Variants in DZIP1 observed in about 807,000 individuals in gnomAD.
DZIP1 encodes the protein cilium assembly protein DZIP1.
DZIP1 carries 97 observed loss-of-function variants against 107.6 expected under a neutral mutation model. The ratio of observed to expected loss-of-function variants is 0.90; its 90% CI spans 0.77 to 1.07. The LOEUF (loss-of-function observed/expected upper bound fraction) is 1.07, where lower values mean the gene tolerates loss of function less well. DZIP1 is among the 50% of genes least tolerant of loss of function. DZIP1 has a pLI of 0.00. For missense variants in DZIP1, 1,035 were observed against 1,063.6 expected, an observed-to-expected ratio of 0.97 and a Z score of 0.37; for synonymous variants, 390 against 386.4, an observed-to-expected ratio of 1.01 and a Z score of -0.11.
chr13:95,604,475 G>C (rs1048574276), intron 14 of DZIP1, among the ~76,000 whole-genome samples: 1 of 152,188 alleles, frequency 6.6e-6, no homozygotes, highest in Non-Finnish European at 1.5e-5. Context: ...CCCTGTGCCA[G>C]GTCTGGCTGG....
chr13:95,640,455 A>G (rs985604952), intron 5 of DZIP1, among the ~76,000 whole-genome samples: 3 of 152,224 alleles, frequency 2.0e-5, no homozygotes, highest in African/African-American at 7.2e-5. Context: ...AGCCATAGTC[A>G]GCCGAAAGGA....
chr13:95,604,654 G>T (rs2044719917), intron 14 of DZIP1, among the ~76,000 whole-genome samples: 1 of 152,170 alleles, frequency 6.6e-6, no homozygotes, highest in South Asian at 2.1e-4. Context: ...ACCTACCAGG[G>T]TGTCCTTTAG....
Position 95,635,454 on chromosome 13 carries a change from C to CT in DZIP1, c.598-2134_598-2133insA, listed in dbSNP as rs1877688740. Among the ~76,000 whole-genome samples, 4 of 152,230 alleles carry CT rather than the reference C, an allele frequency of 2.6e-5. No homozygotes were observed. The South Asian group carries it at 8.3e-4, about 32-fold the overall frequency. ...TCAAATGATCCACCCACCTTGGCCTCCCAAAGTGCTGGAATTACAGGTGTA... is the reference window on the plus strand; with the variant it reads ...TCAAATGATCCACCCACCTTGGCCTCTCCAAAGTGCTGGAATTACAGGTGTA... On this transcript the variant is annotated intron_variant, in intron 5 of 22. Transcript: ENST00000376829.
intron 13 of DZIP1, among the ~76,000 whole-genome samples, chr13:95,608,643 C>T (rs1382182867): frequency 2.0e-5 from 3 of 152,170 alleles, no homozygotes; most frequent in Non-Finnish European, 4.4e-5. Flanking sequence ...TTAAACTCCT[C>T]TCCTCTCCTT....
At chr13:95,643,935 C>T (rs930225578) in intron 1 of DZIP1, among the ~76,000 whole-genome samples, 1 of 152,202 alleles carries the variant, frequency 6.6e-6, no homozygotes, top group Non-Finnish European at 1.5e-5. Context: ...GGCGCAGAGG[C>T]CTGCGGGCCC....
chr13:95,615,816 C>CT (rs1874984490), intron 10 of DZIP1, among the ~76,000 whole-genome samples: 2 of 152,220 alleles, frequency 1.3e-5, no homozygotes, highest in African/African-American at 4.8e-5. Context: ...CAGCATCTGT[C>CT]TAAGCCCCTG....
In DZIP1 at chr13:95,612,036, C is replaced by T; in HGVS notation, c.1314+1G>A. ...CGGTGCCACACTGCCGCCAGACATACCTGCTGTCTCTGAGTTATAATCAGC... is the reference window on the plus strand; with the variant it reads ...CGGTGCCACACTGCCGCCAGACATATCTGCTGTCTCTGAGTTATAATCAGC... On this transcript the variant is annotated splice_donor_variant, in intron 11 of 22. Transcript: ENST00000376829. LOFTEE classifies it high-confidence loss of function. The T allele has an allele frequency of 6.2e-7, 1 of 1,613,202 alleles. No individual in the cohort carries two copies. The highest frequency in any genetic ancestry group is 1.1e-5 in the South Asian group (1 of 90,918).
chr13:95,587,174 G>T (rs1370490596), intron 20 of DZIP1, among the ~76,000 whole-genome samples: 1 of 152,148 alleles, frequency 6.6e-6, no homozygotes, highest in African/African-American at 2.4e-5. Context: ...ACAAGTCAAG[G>T]ACAGAGGCGC....
chr13:95,590,770 A>G (rs2044290261), intron 16 of DZIP1, among the ~76,000 whole-genome samples: 1 of 152,228 alleles, frequency 6.6e-6, no homozygotes, highest in South Asian at 2.1e-4. Flanking sequence ...GGGGAGGCTG[A>G]GCTGTGGCCT....
chr13:95,597,338 A>G (rs1196321586), intron 15 of DZIP1, among the ~76,000 whole-genome samples: 1 of 152,110 alleles, frequency 6.6e-6, no homozygotes, highest in Non-Finnish European at 1.5e-5. Context: ...ACCTCCTGAC[A>G]TGTCTCACAG....
At chr13:95,592,215 T>C (rs548904796) in intron 16 of DZIP1, among the ~76,000 whole-genome samples, 2 of 151,686 alleles carry the variant, frequency 1.3e-5, no homozygotes, top group Admixed American at 1.3e-4. Flanking sequence ...AAAAACAAAA[T>C]AAGCAAAACA....
At chr13:95,603,306 C>CAAAAAAAAAAAAAA (rs34995131) in intron 14 of DZIP1, among the ~76,000 whole-genome samples, 10 of 47,964 alleles carry the variant, frequency 2.1e-4, no homozygotes, top group African/African-American at 6.7e-4. Flanking sequence ...TGCCCAGTCT[C>CAAAAAAAAAAAAAA]AAAAAAAAAA....
rs2274292 is a variant in DZIP1 at position 95,643,067 on chromosome 13, A to G, written c.-237T>C. On this transcript the variant is annotated 5_prime_UTR_variant, in exon 3 of 23. An upstream start codon of the reference 5' UTR is lost. Transcript: ENST00000376829. ...CCTTACAAACTTGGGTCGGGGCTGC[A>G]TTCTGGGCTTTGGAGAGGCTAAAAT... is the stretch of plus-strand genomic sequence containing the variant. 15,490 of 152,170 alleles carry G rather than the reference A, an allele frequency of 0.1. 979 individuals are homozygous for G. The highest frequency in any genetic ancestry group is 0.19 in the Middle Eastern group (57 of 294). The allele number at this position is 152,170 out of a possible 1,614,324, so 9.4% of individuals were successfully genotyped here.
rs747923671 is a variant in DZIP1 at position 95,586,079 on chromosome 13, T to C, written c.2276A>G (p.Asn759Ser). ...KVEKMFPHRK[N>S]VNKPVGGTNV... Reference sequence around the variant, plus strand: ...AGTTCCACCGACTGGTTTGTTCACATTTTTGCGATGTGGAAACATCTTTTC... The same window carrying C: ...AGTTCCACCGACTGGTTTGTTCACACTTTTGCGATGTGGAAACATCTTTTC... The change falls in exon 21 of 23, where the codon AAT becomes AGT. Residue 759 changes from asparagine to serine, a missense_variant. Asn to Ser is a conservative substitution (Grantham distance 46). Coordinates refer to ENST00000376829, the MANE Select transcript of DZIP1 (RefSeq NM_198968.4). The C allele has an allele frequency of 6.2e-7, 1 of 1,612,126 alleles. No individual in the cohort carries two copies. The highest frequency in any genetic ancestry group is 8.5e-7 in the Non-Finnish European group (1 of 1,179,350).
chr13:95,589,655 T>C, intron 18 of DZIP1, 148 bp downstream of exon 18: 1 of 1,055,188 alleles, frequency 9.5e-7, no homozygotes, highest in Admixed American at 2.6e-5. Flanking sequence ...GGAACCTGAC[T>C]ATACTGGCAT....
intron 10 of DZIP1, among the ~76,000 whole-genome samples, chr13:95,612,584 TTTG>T (rs778863896): frequency 2.0e-5 from 3 of 152,032 alleles, no homozygotes; most frequent in Non-Finnish European, 2.9e-5. Flanking sequence ...TCTTAATGTT[TTTG>T]TTGTTGTTTT....
chr13:95,633,325 A>C lies in DZIP1; in HGVS notation c.598-4T>G. On this transcript the variant is annotated splice_polypyrimidine_tract_variant and splice_region_variant and intron_variant, in intron 5 of 22. Coordinates refer to ENST00000376829, the MANE Select transcript of DZIP1 (RefSeq NM_198968.4). ...AGGCCTTGTCACAAAAATGGCACTG[A>C]AAAGGAGAGAGCAACAAATCCAAGT... 6.2e-7 allele frequency: 1 copy of C among 1,612,808 alleles called. No homozygotes were observed.
chr13:95,631,743 C>A (rs1877220659), intron 6 of DZIP1, among the ~76,000 whole-genome samples: 1 of 152,138 alleles, frequency 6.6e-6, no homozygotes, highest in Admixed American at 6.5e-5. Context: ...CTGGGTCTCA[C>A]ATTTCTGTCC....
Position 95,612,259 on chromosome 13 carries a change from C to T in DZIP1, c.1174-82G>A. On this transcript the variant is annotated intron_variant, in intron 10 of 22. Transcript: ENST00000376829. ...TCTCCAGATTTCAGGTATACATGCT[C>T]TGCCTGTTTTGCTAGCCTGATGCTA... 2.7e-6 allele frequency: 4 copies of T among 1,485,756 alleles called. No homozygotes were observed. In the South Asian group the frequency reaches 5.1e-5, roughly 19 times the overall value. 92.0% of individuals were successfully genotyped at this position (1,485,756 alleles called of 1,614,324 possible).
Sources: gnomAD v4.1 joint callset for allele counts (sites outside exome capture counted in the v4.1 genomes callset) on GRCh38, gnomAD v4.1.1 for gene constraint, MANE v1.5 for transcripts, NCBI Gene and HGNC (gene_info 2026-07-23, HGNC 2026-07-21) for gene names.